Variants in SHROOM3 observed in about 807,000 individuals in gnomAD.
SHROOM3 encodes shroom family member 3, also known as protein Shroom3.
Under a neutral mutation model 138.6 loss-of-function variants are expected in SHROOM3, and 47 were observed. That is an observed-to-expected ratio of 0.34 (90% CI 0.27 to 0.43). SHROOM3 has a LOEUF of 0.43. Among genes scored for constraint, SHROOM3 ranks in the 20% least tolerant of loss-of-function variants. The probability of loss-of-function intolerance (pLI) is 1.00; values close to 1 mark genes in which losing one functional copy is unlikely to be tolerated. For synonymous variants in SHROOM3, 1,062 were observed against 1,063.3 expected (o/e 1.00, Z 0.02); for missense variants, 2,491 against 2,596.5 (o/e 0.96, Z 0.88).
At chr4:76,477,804 A>G (rs1731519287) in intron 1 of SHROOM3, among the ~76,000 whole-genome samples, 1 of 152,152 alleles carries the variant, frequency 6.6e-6, no homozygotes, top group Admixed American at 6.5e-5. Flanking sequence ...CTGGTTAGAC[A>G]GTGGGTGCAG....
intron 1 of SHROOM3, among the ~76,000 whole-genome samples, chr4:76,453,201 C>T (rs954402978): frequency 1.3e-5 from 2 of 152,136 alleles, no homozygotes; most frequent in Non-Finnish European, 2.9e-5. Flanking sequence ...TTCCCACCAG[C>T]AATGTGCAAG....
At position 76,740,649 on chromosome 4, in the gene SHROOM3, G is replaced by A. The variant is rs1721219245; in HGVS notation, c.2476G>A (p.Glu826Lys). 1.9e-6 allele frequency: 3 copies of A among 1,614,172 alleles called. No individual in the cohort carries two copies. Among genetic ancestry groups the A allele is most frequent in the East Asian group, 4.5e-5 (2 of 44,876 alleles). Residue 826 changes from glutamate to lysine, a missense_variant, in exon 5 of 11, where the codon GAG becomes AAG. Physicochemically the swap from Glu to Lys is moderately conservative, Grantham distance 56 (BLOSUM62 1). This residue lies in a region of SHROOM3 where 1,733 missense variants were observed against 1,661.6 expected (regional missense o/e 1.04). Transcript: ENST00000296043. The surrounding 1 kb of genome is among the most constrained non-coding windows in gnomAD (Gnocchi z 4.0). ...TTCCAGTACTTCTGGGAATGACTTC[G>A]AGGAGACAAAAGCACACATTCGTTT... ...STSSTSGNDFEETKAHIRFSE... is the reference protein window; with the variant it reads ...STSSTSGNDFKETKAHIRFSE...
rs1579154195 is a variant in SHROOM3 at position 76,440,044 on chromosome 4, T to A, written c.168+3824T>A. Among the ~76,000 whole-genome samples, 3 of 152,360 alleles carry A rather than the reference T, an allele frequency of 2.0e-5. 1 individual carries two copies. The East Asian group carries it at 5.8e-4, about 29-fold the overall frequency. On this transcript the variant is annotated intron_variant, in intron 1 of 10. Coordinates refer to ENST00000296043, the MANE Select transcript of SHROOM3 (RefSeq NM_020859.4). ...TGATTTTATTATGATTCACTTACTC[T>A]GTATTGTGGCTCAGAAAAGCAGTTC...
At chr4:76,535,659 C>A (rs1269303582) in intron 1 of SHROOM3, among the ~76,000 whole-genome samples, 1 of 152,154 alleles carries the variant, frequency 6.6e-6, no homozygotes, top group Non-Finnish European at 1.5e-5. Context: ...TATGGAAAAC[C>A]AGCCTGCAAT....
intron 1 of SHROOM3, among the ~76,000 whole-genome samples, chr4:76,530,142 G>A (rs1257916114): frequency 3.9e-5 from 6 of 152,102 alleles, no homozygotes; most frequent in African/African-American, 1.4e-4. Flanking sequence ...GAAAAGAAAT[G>A]GTCTTGTCTG....
rs1208530109 is a variant in SHROOM3, at chr4:76,756,781, C to T, written c.5042C>T (p.Ser1681Phe). 6.2e-7 allele frequency: 1 copy of T among 1,614,196 alleles called. No individual in the cohort carries two copies. Among genetic ancestry groups the T allele is most frequent in the African/African-American group, 1.3e-5 (1 of 75,058 alleles). Reference sequence around the variant, plus strand: ...AAGGAAATTGTCCACCAAGACAAATCTCTAGCAGACATTTTGGATCCAGAC... The same window carrying T: ...AAGGAAATTGTCCACCAAGACAAATTTCTAGCAGACATTTTGGATCCAGAC... ...LAKEIVHQDK[S>F]LADILDPDSR... The change falls in exon 8 of 11, where the codon TCT (serine) becomes TTT (phenylalanine). Residue 1681 changes from serine (S) to phenylalanine (F), a missense_variant. By Grantham distance (155) the Ser-to-Phe change is radical. This residue lies in a region of SHROOM3 where 470 missense variants were observed against 595.0 expected (regional missense o/e 0.79). Coordinates refer to ENST00000296043, the MANE Select transcript of SHROOM3 (RefSeq NM_020859.4).
At chr4:76,462,370 T>C (rs1731157585) in intron 1 of SHROOM3, among the ~76,000 whole-genome samples, 1 of 150,638 alleles carries the variant, frequency 6.6e-6, no homozygotes. Flanking sequence ...AGACTCAGTC[T>C]CAAAAAAAAA....
At chr4:76,712,471 C>A (rs539103110) in intron 3 of SHROOM3, among the ~76,000 whole-genome samples, 5 of 152,260 alleles carry the variant, frequency 3.3e-5, no homozygotes, top group African/African-American at 1.2e-4. Context: ...ATAAAACAAT[C>A]CCTGAAAGTT....
intron 2 of SHROOM3, among the ~76,000 whole-genome samples, chr4:76,578,595 TGTGAAC>T (rs1733984143): frequency 6.6e-6 from 1 of 152,204 alleles, no homozygotes; most frequent in South Asian, 2.1e-4. Context: ...ATGGCTAAGA[TGTGAAC>T]GAGACAACAA....
chr4:76,674,482 T>A (rs1560587409), intron 2 of SHROOM3, among the ~76,000 whole-genome samples: 1 of 152,014 alleles, frequency 6.6e-6, no homozygotes, highest in Non-Finnish European at 1.5e-5. Context: ...TAATCCTTTT[T>A]TCCTAGATCA....
intron 1 of SHROOM3, among the ~76,000 whole-genome samples, chr4:76,447,358 A>G (rs1180227411): frequency 1.3e-5 from 2 of 152,206 alleles, no homozygotes; most frequent in African/African-American, 4.8e-5. Context: ...TCCTTTGAAA[A>G]GTTAAAATTT....
chr4:76,590,862 C>T (rs904507283), intron 2 of SHROOM3, among the ~76,000 whole-genome samples: 3 of 152,012 alleles, frequency 2.0e-5, no homozygotes, highest in South Asian at 2.1e-4. Flanking sequence ...GCGATCCTGT[C>T]GGCAGCTGCA....
intron 2 of SHROOM3, among the ~76,000 whole-genome samples, chr4:76,697,849 G>C (rs1177617168): frequency 1.3e-5 from 2 of 152,148 alleles, no homozygotes; most frequent in African/African-American, 2.4e-5. Flanking sequence ...AATTCCCCTG[G>C]AGAGCACAGG....
chr4:76,581,922 A>G (rs748889342), intron 2 of SHROOM3, among the ~76,000 whole-genome samples: 2 of 152,212 alleles, frequency 1.3e-5, no homozygotes, highest in Non-Finnish European at 2.9e-5. Flanking sequence ...TTATTCTACA[A>G]TCACTCTTCC....
At chr4:76,607,712 G>C (rs1734651735) in intron 2 of SHROOM3, among the ~76,000 whole-genome samples, 1 of 152,012 alleles carries the variant, frequency 6.6e-6, no homozygotes, top group Non-Finnish European at 1.5e-5. Context: ...AAAGGACAGG[G>C]TTTCAAGGCA....
intron 3 of SHROOM3, among the ~76,000 whole-genome samples, chr4:76,718,989 G>A (rs1363703082): frequency 6.6e-6 from 1 of 152,044 alleles, no homozygotes; most frequent in Non-Finnish European, 1.5e-5. Context: ...AGCCTTCTCC[G>A]GGCACTCAGC....
intron 3 of SHROOM3, among the ~76,000 whole-genome samples, chr4:76,719,867 C>T (rs1720482959): frequency 1.3e-5 from 2 of 152,044 alleles, no homozygotes; most frequent in South Asian, 2.1e-4. Flanking sequence ...AAGTAGGATA[C>T]GAGAAAAGGG....
intron 8 of SHROOM3, among the ~76,000 whole-genome samples, chr4:76,758,985 A>G (rs1042476909): frequency 1.3e-5 from 2 of 152,202 alleles, no homozygotes; most frequent in African/African-American, 4.8e-5. Flanking sequence ...TATATCTTGT[A>G]TTAGTTCACT....
chr4:76,465,328 C>T (rs1324902843), intron 1 of SHROOM3, among the ~76,000 whole-genome samples: 1 of 152,182 alleles, frequency 6.6e-6, no homozygotes, highest in East Asian at 1.9e-4. Context: ...AGACAGTTTC[C>T]AGCTGTTACA....
Sources: gnomAD v4.1 joint callset for allele counts (sites outside exome capture counted in the v4.1 genomes callset) on GRCh38, gnomAD v4.1.1 for gene constraint, gnomAD v4.1.1 regional missense constraint, Gnocchi (gnomAD v3.1) non-coding constraint, MANE v1.5 for transcripts, NCBI Gene and HGNC (gene_info 2026-07-23, HGNC 2026-07-21) for gene names.